The following RAP1GDS1 variants were observed in gnomAD, a reference collection of about 807,000 sequenced individuals.
RAP1GDS1 encodes the protein Rap1 GTPase-GDP dissociation stimulator 1.
Under a neutral mutation model 71.1 loss-of-function variants are expected in RAP1GDS1, and 35 were observed. The observed-to-expected ratio is 0.49, with a 90% CI of 0.38 to 0.65. RAP1GDS1 has a LOEUF of 0.65. RAP1GDS1 is among the 30% of genes least tolerant of loss of function. RAP1GDS1 has a pLI of 0.00. For synonymous variants in RAP1GDS1, 229 were observed against 243.1 expected, an observed-to-expected ratio of 0.94 and a Z score of 0.54; for missense variants, 663 against 706.1, an observed-to-expected ratio of 0.94 and a Z score of 0.69.
intron 5 of RAP1GDS1, among the ~76,000 whole-genome samples, chr4:98,380,149 A>G (rs1287029922): frequency 6.6e-6 from 1 of 151,254 alleles, no homozygotes; most frequent in Non-Finnish European, 1.5e-5. Flanking sequence ...GTTGTTAGTG[A>G]CAACAGTGAA....
At chr4:98,325,686 A>G (rs931158290) in intron 2 of RAP1GDS1, among the ~76,000 whole-genome samples, 2 of 147,476 alleles carry the variant, frequency 1.4e-5, no homozygotes, top group African/African-American at 5.0e-5. Context: ...AAAACCAAAC[A>G]CCGAATATTC....
At chr4:98,280,550 T>G (rs1462316104) in intron 1 of RAP1GDS1, among the ~76,000 whole-genome samples, 1 of 152,304 alleles carries the variant, frequency 6.6e-6, no homozygotes, top group Non-Finnish European at 1.5e-5. Context: ...TTTCTCCCAT[T>G]CTGTAGGTTG....
chr4:98,412,015 A>C (rs1217422471), intron 7 of RAP1GDS1, among the ~76,000 whole-genome samples: 1 of 152,212 alleles, frequency 6.6e-6, no homozygotes, highest in African/African-American at 2.4e-5. Context: ...ATAATATTCA[A>C]AAGAAGATCA....
At chr4:98,318,484 C>G (rs1731276903) in intron 2 of RAP1GDS1, among the ~76,000 whole-genome samples, 1 of 152,196 alleles carries the variant, frequency 6.6e-6, no homozygotes, top group South Asian at 2.1e-4. Context: ...TACTCGCTCT[C>G]CTCCCCATCT....
At chr4:98,350,564 G>C (rs756033703) in intron 3 of RAP1GDS1, among the ~76,000 whole-genome samples, 1 of 152,130 alleles carries the variant, frequency 6.6e-6, no homozygotes, top group East Asian at 1.9e-4. Context: ...AATTGGCCGG[G>C]CGTGGTGGCT....
chr4:98,400,741 A>G (rs984049283), intron 6 of RAP1GDS1, among the ~76,000 whole-genome samples: 7 of 152,116 alleles, frequency 4.6e-5, no homozygotes, highest in African/African-American at 1.7e-4. Flanking sequence ...TTTCCAACAC[A>G]AAGTACTTGA....
At chr4:98,415,029 G>A (rs564321560) in intron 7 of RAP1GDS1, among the ~76,000 whole-genome samples, 1 of 152,066 alleles carries the variant, frequency 6.6e-6, no homozygotes, top group African/African-American at 2.4e-5. Flanking sequence ...TCTGTTGTTG[G>A]TGTATAAGAA....
intron 4 of RAP1GDS1, among the ~76,000 whole-genome samples, chr4:98,355,512 C>A (rs1485658417): frequency 6.6e-6 from 1 of 152,128 alleles, no homozygotes; most frequent in Non-Finnish European, 1.5e-5. Context: ...ACTATTGGAT[C>A]ACTTCTCGGC....
chr4:98,352,129 A>G (rs967965789), intron 3 of RAP1GDS1, among the ~76,000 whole-genome samples: 10 of 152,084 alleles, frequency 6.6e-5, no homozygotes, highest in Admixed American at 3.3e-4. Flanking sequence ...ATACATCGCC[A>G]TTGTTTCCAT....
chr4:98,399,201 G>A (rs1037941351), intron 6 of RAP1GDS1, among the ~76,000 whole-genome samples: 17 of 152,052 alleles, frequency 1.1e-4, no homozygotes, highest in East Asian at 1.9e-4. Flanking sequence ...CACAGGCAAC[G>A]AAAGCAAAAA....
chr4:98,368,348 A>T (rs555152320), intron 4 of RAP1GDS1, among the ~76,000 whole-genome samples: 118 of 152,326 alleles, frequency 7.7e-4, no homozygotes, highest in African/African-American at 2.1e-3. Context: ...CAGCAGCGTG[A>T]AAACAAACTA....
At chr4:98,284,384 T>A (rs1211706640) in intron 1 of RAP1GDS1, among the ~76,000 whole-genome samples, 3 of 152,140 alleles carry the variant, frequency 2.0e-5, no homozygotes, top group South Asian at 4.2e-4. Flanking sequence ...CAAGTAATTT[T>A]AAATTTCCAT....
intron 1 of RAP1GDS1, among the ~76,000 whole-genome samples, chr4:98,280,060 A>T (rs1034156752): frequency 6.6e-6 from 1 of 152,218 alleles, no homozygotes; most frequent in African/African-American, 2.4e-5. Context: ...ATAGTGCCGC[A>T]ATAAACATAC....
At chr4:98,397,879 C>G (rs77699537) in intron 6 of RAP1GDS1, among the ~76,000 whole-genome samples, 1 of 152,006 alleles carries the variant, frequency 6.6e-6, no homozygotes, top group African/African-American at 2.4e-5. Flanking sequence ...ATCTGAATGC[C>G]GAGAACCACA....
chr4:98,421,439 T>C, intron 12 of RAP1GDS1, 45 bp downstream of exon 12: 1 of 1,512,144 alleles, frequency 6.6e-7, no homozygotes, highest in Non-Finnish European at 8.9e-7. Flanking sequence ...TCAGAGTGTC[T>C]TTTTCAGAAA....
intron 1 of RAP1GDS1, among the ~76,000 whole-genome samples, chr4:98,269,817 AT>A (rs1421932560): frequency 2.0e-5 from 3 of 152,186 alleles, no homozygotes; most frequent in Middle Eastern, 3.2e-3. Flanking sequence ...AATCTGAATA[AT>A]TTCAAAATCT....
intron 2 of RAP1GDS1, among the ~76,000 whole-genome samples, chr4:98,307,443 A>G (rs758829371): frequency 2.6e-5 from 4 of 152,122 alleles, no homozygotes; most frequent in Non-Finnish European, 4.4e-5. Context: ...TGGAATTGTA[A>G]TAAGTCATAA....
chr4:98,327,859 T>A (rs898528279), intron 2 of RAP1GDS1, among the ~76,000 whole-genome samples: 1 of 152,178 alleles, frequency 6.6e-6, no homozygotes, highest in Non-Finnish European at 1.5e-5. Flanking sequence ...TTTAATTTTC[T>A]CTGTTTTGTA....
intron 2 of RAP1GDS1, among the ~76,000 whole-genome samples, chr4:98,329,572 G>A (rs553465812): frequency 3.3e-4 from 50 of 152,158 alleles, no homozygotes; most frequent in African/African-American, 9.6e-4. Flanking sequence ...GGCAGATCAC[G>A]AGGTCAGAAG....
Sources: allele counts gnomAD v4.1 joint callset (sites outside exome capture counted in the v4.1 genomes callset), GRCh38; gene constraint gnomAD v4.1.1; transcripts MANE v1.5; gene names NCBI Gene and HGNC (gene_info 2026-07-23, HGNC 2026-07-21).